CYRIB: variants seen among roughly 807,000 people sequenced by gnomAD.
CYRIB encodes CYFIP-related Rac1 interactor B.
Under a neutral mutation model 44.2 loss-of-function variants are expected in CYRIB, and 8 were observed. That is an observed-to-expected ratio of 0.18 (90% CI 0.11 to 0.33). The LOEUF is 0.33. CYRIB is among the 10% of genes least tolerant of loss of function. CYRIB has a pLI of 1.00. For missense variants in CYRIB, 185 were observed against 382.8 expected, an observed-to-expected ratio of 0.48 and a Z score of 4.31; for synonymous variants, 131 against 127.2, an observed-to-expected ratio of 1.03 and a Z score of -0.20.
At chr8:129,895,245 CT>C (rs539525843) in intron 2 of CYRIB, among the ~76,000 whole-genome samples, 2,314 of 151,430 alleles carry the variant, frequency 0.015, 51 homozygotes, top group African/African-American at 0.049. Context: ...TTAAGCAATC[CT>C]CCCCCACCCT....
At chr8:129,908,872 C>T (rs556488499) in intron 1 of CYRIB, among the ~76,000 whole-genome samples, 1 of 152,210 alleles carries the variant, frequency 6.6e-6, no homozygotes. Context: ...ATATATGATA[C>T]ATATAAATCT....
At chr8:129,861,007 C>T (rs369617143) in intron 5 of CYRIB, among the ~76,000 whole-genome samples, 8 of 152,150 alleles carry the variant, frequency 5.3e-5, no homozygotes, top group African/African-American at 1.7e-4. Flanking sequence ...TTCAGTCTTA[C>T]AGTATATACC....
At chr8:129,952,249 T>C (rs2094542716) in intron 2 of CYRIB, among the ~76,000 whole-genome samples, 1 of 152,114 alleles carries the variant, frequency 6.6e-6, no homozygotes, top group African/African-American at 2.4e-5. Flanking sequence ...TTAGTAGAGA[T>C]GGGGTTTCTC....
chr8:129,925,506 C>T (rs2087032277), intron 1 of CYRIB, among the ~76,000 whole-genome samples: 1 of 152,298 alleles, frequency 6.6e-6, no homozygotes, highest in South Asian at 2.1e-4. Context: ...TAATGCATCT[C>T]CTCTGGGAAT....
chr8:129,846,845 G>A, exon 11 of CYRIB: 2 of 1,595,912 alleles, frequency 1.3e-6, no homozygotes, highest in South Asian at 1.2e-5. Context: ...TAGGAGGTTG[G>A]TCCTTAAGAA....
rs117423282 is a variant in CYRIB at position 129,903,377 on chromosome 8, A to G, written c.-49-27T>C. ...TGTTTAAGGAAAGAAAAAAAGGAAG[A>G]AAGTCTAAAACATTATTATACTTTA... On this transcript the variant is annotated intron_variant, in intron 1 of 11. Transcript: ENST00000519824. The G allele has an allele frequency of 6.0e-3, 921 of 152,798 alleles. 6 individuals are homozygous for G. Among genetic ancestry groups the G allele is most frequent in the Non-Finnish European group, 8.6e-3 (582 of 68,024 alleles). The allele number at this position is 152,798 out of a possible 1,614,324, so 9.5% of individuals were successfully genotyped here.
At chr8:129,908,930 A>T (rs1246877034) in intron 1 of CYRIB, among the ~76,000 whole-genome samples, 1 of 151,342 alleles carries the variant, frequency 6.6e-6, no homozygotes, top group Non-Finnish European at 1.5e-5. Flanking sequence ...ATATCAATAC[A>T]TTCTTTTTTT....
At chr8:130,009,122 G>A (rs775696107) in intron 1 of CYRIB, among the ~76,000 whole-genome samples, 36 of 152,354 alleles carry the variant, frequency 2.4e-4, no homozygotes, top group Non-Finnish European at 4.6e-4. Flanking sequence ...AGACTTCACA[G>A]TCAGGGAGTC....
intron 1 of CYRIB, among the ~76,000 whole-genome samples, chr8:129,930,640 C>G (rs907278385): frequency 1.3e-5 from 2 of 151,766 alleles, no homozygotes; most frequent in African/African-American, 4.8e-5. Context: ...CTTTGGCAAC[C>G]CATTTCAAAA....
intron 1 of CYRIB, among the ~76,000 whole-genome samples, chr8:130,001,838 T>G (rs1361214297): frequency 6.6e-6 from 1 of 152,166 alleles, no homozygotes; most frequent in African/African-American, 2.4e-5. Context: ...GTCTCTAGAT[T>G]CCTTAATCCC....
At chr8:129,865,459 C>T (rs373720441) in intron 4 of CYRIB, among the ~76,000 whole-genome samples, 4 of 152,132 alleles carry the variant, frequency 2.6e-5, no homozygotes, top group African/African-American at 9.7e-5. Context: ...AACCCTATGT[C>T]GTGATCATAC....
chr8:129,972,218 C>T (rs1210936694), intron 1 of CYRIB, among the ~76,000 whole-genome samples: 1 of 152,174 alleles, frequency 6.6e-6, no homozygotes, highest in Non-Finnish European at 1.5e-5. Flanking sequence ...TTCTTTCTGT[C>T]GTTCTTCTTG....
At chr8:130,009,891 C>A (rs2097181898) in intron 1 of CYRIB, among the ~76,000 whole-genome samples, 1 of 152,196 alleles carries the variant, frequency 6.6e-6, no homozygotes, top group African/African-American at 2.4e-5. Context: ...CCCTGCCATG[C>A]AATAGGCTTT....
intron 1 of CYRIB, among the ~76,000 whole-genome samples, chr8:129,935,948 CTTTG>C (rs1207659635): frequency 6.6e-6 from 1 of 152,028 alleles, no homozygotes; most frequent in Admixed American, 6.5e-5. Flanking sequence ...AGAATGATTT[CTTTG>C]TTTAAAAAGT....
Position 129,949,876 on chromosome 8 carries a change from T to A in CYRIB, c.-243+21067A>T, listed in dbSNP as rs191420077. Among the ~76,000 whole-genome samples, 198 of 151,516 alleles carry A rather than the reference T, an allele frequency of 1.3e-3. 2 individuals are homozygous for A. The highest frequency in any genetic ancestry group is 5.0e-3 in the East Asian group (26 of 5,156). The stretch of plus-strand genomic sequence containing the variant: ...AGCGAAACTCCATCTTAAAAAAAAA[T>A]AATAATAATAATACACTACTCATCT... On this transcript the variant is annotated intron_variant, in intron 2 of 14. Coordinates refer to the CYRIB transcript ENST00000401979.
chr8:129,921,917 A>T (rs2083834806), intron 1 of CYRIB, among the ~76,000 whole-genome samples: 1 of 152,200 alleles, frequency 6.6e-6, no homozygotes, highest in South Asian at 2.1e-4. Flanking sequence ...ATGAGCCACC[A>T]ATCTGAAGAT....
chr8:129,894,302 CA>C (rs1288949926), intron 2 of CYRIB, among the ~76,000 whole-genome samples: 3 of 152,194 alleles, frequency 2.0e-5, no homozygotes, highest in African/African-American at 4.8e-5. Flanking sequence ...TCCTGTCCTC[CA>C]AAACCTCAAG....
At chr8:129,986,863 C>T (rs1192001603) in intron 1 of CYRIB, among the ~76,000 whole-genome samples, 1 of 152,182 alleles carries the variant, frequency 6.6e-6, no homozygotes, top group Non-Finnish European at 1.5e-5. Context: ...CTCCAAGCCC[C>T]TTCTGGTAAT....
intron 2 of CYRIB, among the ~76,000 whole-genome samples, chr8:129,956,627 G>C (rs886190973): frequency 6.6e-6 from 1 of 152,042 alleles, no homozygotes; most frequent in Non-Finnish European, 1.5e-5. Flanking sequence ...GGGTGAGCTG[G>C]GTTATGCTGT....
Sources: allele counts gnomAD v4.1 joint callset (sites outside exome capture counted in the v4.1 genomes callset), GRCh38; gene constraint gnomAD v4.1.1; transcripts MANE v1.5; gene names NCBI Gene and HGNC (gene_info 2026-07-23, HGNC 2026-07-21).